The following CLASP1 variants were observed in gnomAD, a reference collection of about 807,000 sequenced individuals.
The protein encoded by CLASP1 is cytoplasmic linker associated protein 1.
A neutral mutation model predicts 192.3 loss-of-function variants in CLASP1; 38 were observed. The ratio of observed to expected loss-of-function variants is 0.20; its 90% confidence interval spans 0.15 to 0.26. The LOEUF is 0.26. CLASP1 is among the 10% of genes least tolerant of loss of function. The probability of loss-of-function intolerance (pLI) is 1.00; values close to 1 mark genes in which losing one functional copy is unlikely to be tolerated. For synonymous variants in CLASP1, 691 were observed against 712.8 expected, an observed-to-expected ratio of 0.97 and a Z score of 0.49; for missense variants, 1,433 against 1,932.5, an observed-to-expected ratio of 0.74 and a Z score of 4.85.
At chr2:121,359,945 T>C (rs1022803085) in intron 37 of CLASP1, among the ~76,000 whole-genome samples, 2 of 152,234 alleles carry the variant, frequency 1.3e-5, no homozygotes, top group African/African-American at 4.8e-5. Context: ...TGAAAGAAAC[T>C]GACAAAGCAG....
At chr2:121,430,227 A>C (rs1347695515) in intron 19 of CLASP1, 50 bp from the exon 20 acceptor site, 3 of 1,382,836 alleles carry the variant, frequency 2.2e-6, no homozygotes, top group Admixed American at 2.0e-5. Flanking sequence ...AGTAAGTGCC[A>C]CCTCCTCAAG....
At chr2:121,605,715 A>C (rs764537029) in exon 2 of CLASP1, 1 of 1,613,726 alleles carries the variant, frequency 6.2e-7, no homozygotes, top group African/African-American at 1.3e-5. Context: ...TAATTGCTAG[A>C]GTTCACCCAA....
At chr2:121,589,973 A>G (rs1042475472) in intron 2 of CLASP1, among the ~76,000 whole-genome samples, 2 of 152,146 alleles carry the variant, frequency 1.3e-5, no homozygotes, top group Admixed American at 1.3e-4. Flanking sequence ...GATGTTTAAT[A>G]CACCTTAGAC....
At chr2:121,647,204 C>G (rs1192202152) in intron 1 of CLASP1, among the ~76,000 whole-genome samples, 1 of 151,926 alleles carries the variant, frequency 6.6e-6, no homozygotes, top group Non-Finnish European at 1.5e-5. Flanking sequence ...CCTGTCTCTA[C>G]TAAAAATACA....
At chr2:121,359,343 C>G (rs2065937373) in intron 37 of CLASP1, among the ~76,000 whole-genome samples, 1 of 152,200 alleles carries the variant, frequency 6.6e-6, no homozygotes, top group African/African-American at 2.4e-5. Flanking sequence ...CTGGGGACAG[C>G]TGGACAACAG....
At chr2:121,406,102 G>A (rs1221967500) in intron 25 of CLASP1, among the ~76,000 whole-genome samples, 1 of 152,014 alleles carries the variant, frequency 6.6e-6, no homozygotes, top group Non-Finnish European at 1.5e-5. Flanking sequence ...CTCTGTAATT[G>A]AGTCATCTTA....
chr2:121,572,376 C>T (rs1016384414), intron 2 of CLASP1, among the ~76,000 whole-genome samples: 7 of 152,186 alleles, frequency 4.6e-5, no homozygotes, highest in African/African-American at 1.2e-4. Flanking sequence ...TGCAGTGAGC[C>T]GAGGTTGCAC....
intron 8 of CLASP1, chr2:121,470,820 C>A: frequency 4.4e-6 from 1 of 226,856 alleles, no homozygotes; most frequent in Non-Finnish European, 9.0e-6. Context: ...TCCTTCCACA[C>A]CATTGCCAAC....
intron 2 of CLASP1, among the ~76,000 whole-genome samples, chr2:121,587,644 A>C (rs968882073): frequency 2.0e-5 from 3 of 151,908 alleles, no homozygotes; most frequent in Admixed American, 2.0e-4. Context: ...TAGTCTGGCC[A>C]ACATAGTGAA....
intron 37 of CLASP1, among the ~76,000 whole-genome samples, chr2:121,350,050 C>A (rs2064077103): frequency 6.6e-6 from 1 of 152,224 alleles, no homozygotes; most frequent in Non-Finnish European, 1.5e-5. Flanking sequence ...ATATAAATGA[C>A]AGATAAAGAC....
intron 6 of CLASP1, 137 bp downstream of exon 6, chr2:121,525,708 T>C (rs1237605669): frequency 4.8e-6 from 3 of 624,578 alleles, no homozygotes; most frequent in Non-Finnish European, 8.6e-6. Flanking sequence ...TAAATGCTAA[T>C]GGGTACTGGA....
chr2:121,627,997 T>A (rs1448010201), intron 1 of CLASP1, among the ~76,000 whole-genome samples: 2 of 152,202 alleles, frequency 1.3e-5, no homozygotes, highest in Non-Finnish European at 2.9e-5. Flanking sequence ...TCATACCCTG[T>A]CCACCACTAT....
At chr2:121,599,167 T>A (rs1469338224) in intron 2 of CLASP1, among the ~76,000 whole-genome samples, 2 of 151,392 alleles carry the variant, frequency 1.3e-5, no homozygotes, top group African/African-American at 4.9e-5. Flanking sequence ...CTGGCCGTAT[T>A]TTTTTTTAAT....
chr2:121,502,503 T>C (rs1190360118), intron 8 of CLASP1, among the ~76,000 whole-genome samples: 1 of 152,116 alleles, frequency 6.6e-6, no homozygotes, highest in Non-Finnish European at 1.5e-5. Flanking sequence ...ACAGGGCAAA[T>C]ACTTCAGGCA....
At chr2:121,350,173 G>A (rs569013667) in intron 37 of CLASP1, among the ~76,000 whole-genome samples, 61 of 152,214 alleles carry the variant, frequency 4.0e-4, no homozygotes, top group African/African-American at 1.4e-3. Context: ...ATTCCTTTTT[G>A]CATTATGTTC....
chr2:121,486,602 T>C (rs774312944), intron 8 of CLASP1, among the ~76,000 whole-genome samples: 1 of 152,202 alleles, frequency 6.6e-6, no homozygotes, highest in Non-Finnish European at 1.5e-5. Flanking sequence ...ATTATCACTG[T>C]AGCAATCCTG....
intron 35 of CLASP1, among the ~76,000 whole-genome samples, chr2:121,367,108 G>C (rs1217523532): frequency 6.6e-6 from 1 of 152,188 alleles, no homozygotes; most frequent in East Asian, 1.9e-4. Flanking sequence ...AGGGAGACCT[G>C]GTTACAAAGC....
At chr2:121,388,707 C>A (rs2073799787) in intron 30 of CLASP1, among the ~76,000 whole-genome samples, 2 of 152,102 alleles carry the variant, frequency 1.3e-5, no homozygotes, top group South Asian at 4.1e-4. Flanking sequence ...CAATAGTTTT[C>A]ATTTATAAAA....
Position 121,526,776 on chromosome 2 carries a change from T to C in CLASP1, c.471-856A>G, listed in dbSNP as rs1292866395. Among the ~76,000 whole-genome samples the C allele has an allele frequency of 3.3e-5, 5 of 152,218 alleles. No individual in the cohort carries two copies. The East Asian group carries it at 9.6e-4, about 29-fold the overall frequency. On this transcript the variant is annotated intron_variant, in intron 5 of 39. Coordinates refer to ENST00000263710, the Ensembl canonical transcript of CLASP1. The stretch of plus-strand genomic sequence containing the variant: ...CAGAATCATAGCAATCTTTATTTTT[T>C]CCTTGCGTACATTTTTATGATATAT...
Sources: allele counts gnomAD v4.1 joint callset (sites outside exome capture counted in the v4.1 genomes callset), GRCh38; gene constraint gnomAD v4.1.1; transcripts MANE v1.5; gene names NCBI Gene and HGNC (gene_info 2026-07-23, HGNC 2026-07-21).